Variants in SRRM4 observed in about 807,000 individuals in gnomAD.
SRRM4 encodes serine/arginine repetitive matrix protein 4.
Under a neutral mutation model 68.9 loss-of-function variants are expected in SRRM4, and 33 were observed. The ratio of observed to expected loss-of-function variants is 0.48; its 90% confidence interval spans 0.36 to 0.64. The LOEUF is 0.64. Ranked by LOEUF, SRRM4 falls within the 30% of genes least tolerant of loss-of-function variation. The pLI is 0.00. For missense variants in SRRM4, 817 were observed against 827.1 expected, an observed-to-expected ratio of 0.99 and a Z score of 0.15; for synonymous variants, 318 against 318.8, an observed-to-expected ratio of 1.00 and a Z score of 0.03.
intron 1 of SRRM4, among the ~76,000 whole-genome samples, chr12:119,082,444 C>G (rs1953954662): frequency 6.6e-6 from 1 of 152,260 alleles, no homozygotes. Flanking sequence ...ATGGGCTGCT[C>G]TCTAGCGAGA....
chr12:119,077,617 T>G (rs554530662), intron 1 of SRRM4, among the ~76,000 whole-genome samples: 2 of 152,294 alleles, frequency 1.3e-5, no homozygotes, highest in South Asian at 4.2e-4. Flanking sequence ...GGGCAAGTTA[T>G]TTTCCTTTCT....
rs1954485404 is a variant in SRRM4 at position 119,158,080 on chromosome 12, G to A, written c.*1282G>A. On this transcript the variant is annotated 3_prime_UTR_variant, in exon 13 of 13. Coordinates refer to ENST00000267260, the MANE Select transcript of SRRM4 (RefSeq NM_194286.4). ...TCCCCCCTGGCTGGGGCTGGGCAGA[G>A]AGGGTAAGCTGATCTCCGATCCACA... The A allele has an allele frequency of 6.5e-6, 1 of 152,756 alleles. No individual in the cohort carries two copies. The highest frequency in any genetic ancestry group is 6.5e-5 in the Admixed American group (1 of 15,286). 9.5% of individuals were successfully genotyped at this position (152,756 alleles called of 1,614,324 possible). A position where few individuals can be genotyped will look rare whatever the true frequency, so the allele number is the denominator to read the frequency against.
At chr12:119,092,661 C>T (rs920383402) in intron 1 of SRRM4, among the ~76,000 whole-genome samples, 23 of 152,174 alleles carry the variant, frequency 1.5e-4, no homozygotes, top group African/African-American at 5.6e-4. Context: ...CCCCAGCCAC[C>T]GTCTTCTTCA....
intron 4 of SRRM4, 25 bp from the exon 5 acceptor site, chr12:119,120,225 A>G (rs1484178426): frequency 1.4e-6 from 2 of 1,390,588 alleles, no homozygotes; most frequent in Non-Finnish European, 1.9e-6. Flanking sequence ...TCTTCTTTTC[A>G]TTTTTTTTCT....
chr12:118,988,210 G>A (rs1402002252), intron 1 of SRRM4, among the ~76,000 whole-genome samples: 2 of 152,010 alleles, frequency 1.3e-5, no homozygotes, highest in African/African-American at 2.4e-5. Context: ...TTAGTTATCC[G>A]ATCTGCAAAA....
chr12:119,151,337 C>T lies in SRRM4; in HGVS notation c.1280+117C>T, dbSNP rs761173930. 304 of 949,940 alleles carry T rather than the reference C, an allele frequency of 3.2e-4. 1 individual carries two copies. Among genetic ancestry groups the T allele is most frequent in the Middle Eastern group, 9.0e-4 (4 of 4,434 alleles). The allele number at this position is 949,940 out of a possible 1,614,324, so 58.8% of individuals were successfully genotyped here. ...TCAGACGGACTTAGGTTTGAATACT[C>T]GTTTTGCCCATTTCGAGCTGGTGGC... On this transcript the variant is annotated intron_variant, in intron 10 of 12. Transcript: ENST00000267260.
At chr12:119,057,845 G>T (rs1010562209) in intron 1 of SRRM4, among the ~76,000 whole-genome samples, 2 of 152,116 alleles carry the variant, frequency 1.3e-5, no homozygotes, top group Non-Finnish European at 2.9e-5. Flanking sequence ...CTCTGCAACC[G>T]TGTCAACATC....
Position 119,154,326 on chromosome 12 carries a change from C to T in SRRM4, c.1475C>T (p.Pro492Leu). The stretch of plus-strand genomic sequence containing the variant: ...CGTCGGAGACGTCGGTCCTACTCGC[C>T]TATGAGAAAGCGCCGGAGAGACTCC... Reference protein sequence around the residue: ...RARRRRRSYSPMRKRRRDSPS... With the variant: ...RARRRRRSYSLMRKRRRDSPS... Residue 492 changes from proline (P) to leucine (L), a missense_variant, in exon 12 of 13, where the codon CCT becomes CTT. Transcript: ENST00000267260. The surrounding 1 kb of genome is among the most constrained non-coding windows in gnomAD (Gnocchi z 4.7). 6.2e-7 allele frequency: 1 copy of T among 1,613,196 alleles called. No individual in the cohort carries two copies. The highest frequency in any genetic ancestry group is 8.5e-7 in the Non-Finnish European group (1 of 1,179,726).
rs774231003 is a variant in SRRM4 at position 119,154,954 on chromosome 12, G to A, written c.1532+571G>A. On this transcript the variant is annotated intron_variant, in intron 12 of 12. Transcript: ENST00000267260. The surrounding 1 kb of genome is among the most constrained non-coding windows in gnomAD (Gnocchi z 4.7). ...GATAAGCCGGAGAGCACTGGATGTGGATTGGAATCCTGAATGTACCACTTT... is the reference window on the plus strand; with the variant it reads ...GATAAGCCGGAGAGCACTGGATGTGAATTGGAATCCTGAATGTACCACTTT... 4.6e-5 allele frequency among the ~76,000 whole-genome samples: 7 copies of A among 152,348 alleles called. No homozygotes were observed. The highest frequency in any genetic ancestry group is 3.3e-4 in the Admixed American group (5 of 15,304).
intron 4 of SRRM4, among the ~76,000 whole-genome samples, chr12:119,118,481 C>T (rs1252338079): frequency 6.6e-6 from 1 of 152,222 alleles, no homozygotes; most frequent in African/African-American, 2.4e-5. Context: ...TGGCCTCAAA[C>T]TCAGTTGGCT....
At chr12:119,039,265 C>T (rs139924191) in intron 1 of SRRM4, among the ~76,000 whole-genome samples, 1,787 of 152,258 alleles carry the variant, frequency 0.012, 14 homozygotes, top group South Asian at 0.018. Context: ...GCGCGGCACA[C>T]CAAGAAAGCA....
intron 1 of SRRM4, among the ~76,000 whole-genome samples, chr12:118,985,331 C>T (rs780910600): frequency 6.6e-6 from 1 of 152,182 alleles, no homozygotes; most frequent in African/African-American, 2.4e-5. Flanking sequence ...ATTGGTATAA[C>T]ATTTCCATGG....
At chr12:119,152,652 G>T (rs1199748486) in intron 10 of SRRM4, among the ~76,000 whole-genome samples, 1 of 152,190 alleles carries the variant, frequency 6.6e-6, no homozygotes, top group Admixed American at 6.5e-5. Flanking sequence ...TCCTTTCAAA[G>T]TATCCAAAAA....
chr12:119,025,906 G>C (rs1214262138), intron 1 of SRRM4, among the ~76,000 whole-genome samples: 1 of 152,102 alleles, frequency 6.6e-6, no homozygotes, highest in Non-Finnish European at 1.5e-5. Flanking sequence ...TTTGAGAAAG[G>C]TTTGGCAAGG....
intron 1 of SRRM4, among the ~76,000 whole-genome samples, chr12:119,100,036 AAC>A (rs1289690954): frequency 1.3e-5 from 2 of 152,190 alleles, no homozygotes. Context: ...AGAATCTAAG[AAC>A]ACATTCTAAA....
chr12:119,145,482 G>A lies in SRRM4; in HGVS notation c.873G>A (p.Thr291=), dbSNP rs367777055. 79 of 1,610,480 alleles carry A rather than the reference G, an allele frequency of 4.9e-5. No individual in the cohort carries two copies. In the African/African-American group the frequency reaches 7.6e-4, roughly 16 times the overall value. ...AGGAGTACGACTCAGGAAATGACAC[G>A]TCCTCGCCACCCTCCACGCAAACCA... ...RSQEYDSGND[T]SSPPSTQTSS... The change falls in exon 9 of 13, where the codon ACG becomes ACA. Residue 291 remains threonine, a synonymous_variant. Coordinates refer to ENST00000267260, the MANE Select transcript of SRRM4 (RefSeq NM_194286.4).
In SRRM4 at chr12:119,125,376, C is replaced by G. The variant is rs201414189; in HGVS notation, c.516-5C>G. The G allele has an allele frequency of 2.5e-5, 40 of 1,612,348 alleles. No homozygotes were observed. Among genetic ancestry groups the G allele is most frequent in the Non-Finnish European group, 3.1e-5 (37 of 1,179,048 alleles). On this transcript the variant is annotated splice_region_variant and splice_polypyrimidine_tract_variant and intron_variant, in intron 6 of 12. Coordinates refer to ENST00000267260, the MANE Select transcript of SRRM4 (RefSeq NM_194286.4). Reference sequence around the variant, plus strand: ...CTCTGACTCGTTCCTTCTCATCCCCCCAAGATCTCGAAGCCGGCCCCGAAA... The same window carrying G: ...CTCTGACTCGTTCCTTCTCATCCCCGCAAGATCTCGAAGCCGGCCCCGAAA...
chr12:119,123,375 T>C (rs1366728580), intron 6 of SRRM4, among the ~76,000 whole-genome samples: 1 of 152,120 alleles, frequency 6.6e-6, no homozygotes, highest in Non-Finnish European at 1.5e-5. Context: ...GTGTATTGAA[T>C]GTGCTTTCAC....
At chr12:119,051,748 A>C (rs1372455957) in intron 1 of SRRM4, among the ~76,000 whole-genome samples, 3 of 152,190 alleles carry the variant, frequency 2.0e-5, no homozygotes, top group Non-Finnish European at 2.9e-5. Context: ...GTTTCTTTTG[A>C]GTACACAATC....
Sources: gnomAD v4.1 joint callset for allele counts (sites outside exome capture counted in the v4.1 genomes callset) on GRCh38, gnomAD v4.1.1 for gene constraint, Gnocchi (gnomAD v3.1) non-coding constraint, MANE v1.5 for transcripts, NCBI Gene and HGNC (gene_info 2026-07-23, HGNC 2026-07-21) for gene names.